Variants in PCDHGA9 observed in about 807,000 individuals in gnomAD.
PCDHGA9 encodes protocadherin gamma subfamily A, 9.
Under a neutral mutation model 62.5 loss-of-function variants are expected in PCDHGA9, and 37 were observed. The ratio of observed to expected loss-of-function variants is 0.59; its 90% CI spans 0.46 to 0.78. PCDHGA9 has a LOEUF of 0.78. Ranked by LOEUF, PCDHGA9 falls within the 30% of genes least tolerant of loss-of-function variation. PCDHGA9 has a pLI of 0.00. For synonymous variants in PCDHGA9, 459 were observed against 484.6 expected (o/e 0.95, Z 0.69); for missense variants, 1,138 against 1,166.2 (o/e 0.98, Z 0.35).
At chr5:141,500,167 A>C (rs976308963) in intron 2 of PCDHGA9, among the ~76,000 whole-genome samples, 1 of 150,656 alleles carries the variant, frequency 6.6e-6, no homozygotes, top group African/African-American at 2.4e-5. Context: ...AAGAACATGC[A>C]TGAGCTTCAT....
intron 1 of PCDHGA9, chr5:141,430,941 A>G: frequency 6.2e-7 from 1 of 1,608,258 alleles, no homozygotes; most frequent in Non-Finnish European, 8.5e-7. Context: ...GAGCTCGCGG[A>G]GCGCGGAGTC....
intron 1 of PCDHGA9, chr5:141,412,903 G>T: frequency 5.3e-6 from 2 of 376,030 alleles, no homozygotes; most frequent in East Asian, 4.2e-5. Flanking sequence ...ACTTTCCATT[G>T]CATGTATCAC....
intron 2 of PCDHGA9, 88 bp from the exon 3 acceptor site, chr5:141,505,305 C>G (rs1363643214): frequency 1.0e-5 from 16 of 1,595,104 alleles, no homozygotes; most frequent in African/African-American, 2.7e-5. Flanking sequence ...GGTTAGGGTA[C>G]TAGGTTTGGG....
intron 1 of PCDHGA9, chr5:141,417,227 T>G (rs2096097098): frequency 6.6e-6 from 1 of 152,172 alleles, no homozygotes; most frequent in South Asian, 2.1e-4. Flanking sequence ...ACAAAAAAAT[T>G]TGTTGCTTAT....
At chr5:141,446,039 A>G (rs1349676116) in intron 1 of PCDHGA9, among the ~76,000 whole-genome samples, 1 of 152,180 alleles carries the variant, frequency 6.6e-6, no homozygotes, top group African/African-American at 2.4e-5. Context: ...TAAGAAATGG[A>G]AGAAGAGCTG....
chr5:141,502,062 A>G (rs530211521), intron 2 of PCDHGA9, among the ~76,000 whole-genome samples: 2 of 152,146 alleles, frequency 1.3e-5, no homozygotes, highest in South Asian at 4.2e-4. Flanking sequence ...TATTCCCATT[A>G]GCCCCCTTCA....
chr5:141,410,779 T>C, intron 1 of PCDHGA9: 4 of 947,572 alleles, frequency 4.2e-6, no homozygotes, highest in Non-Finnish European at 6.0e-6. Flanking sequence ...TTTCACTATG[T>C]ATTTGGTTCA....
chr5:141,434,194 G>A (rs913533813), intron 1 of PCDHGA9, among the ~76,000 whole-genome samples: 7 of 152,190 alleles, frequency 4.6e-5, no homozygotes, highest in African/African-American at 4.8e-5. Flanking sequence ...TAATTCCAAT[G>A]TACTTACTTC....
chr5:141,485,033 T>C lies in PCDHGA9; in HGVS notation c.2425-9774T>C. 1 of 689,352 alleles carries C rather than the reference T, an allele frequency of 1.5e-6. No homozygotes were observed. The highest frequency in any genetic ancestry group is 2.5e-6 in the Non-Finnish European group (1 of 392,590). The allele number at this position is 689,352 out of a possible 1,614,324, so 42.7% of individuals were successfully genotyped here. On this transcript the variant is annotated intron_variant, in intron 1 of 3. Coordinates refer to ENST00000573521, the MANE Select transcript of PCDHGA9 (RefSeq NM_018921.3). This position sits in a 1 kb window ranked among gnomAD's most constrained non-coding sequence, Gnocchi z 5.7. ...CCCCGCCACCAGCAAAAACGGCGCG[T>C]AACCCTTGCGGCGCCGGCCGAACCG...
intron 1 of PCDHGA9, chr5:141,427,212 C>T (rs2097000434): frequency 4.4e-6 from 2 of 456,702 alleles, no homozygotes; most frequent in Non-Finnish European, 8.8e-6. Flanking sequence ...CTTCGAATTT[C>T]GTAGCAGTTA....
At chr5:141,406,070 T>A (rs1451280596) in intron 1 of PCDHGA9, among the ~76,000 whole-genome samples, 1 of 136,270 alleles carries the variant, frequency 7.3e-6, no homozygotes, top group Admixed American at 7.2e-5. Flanking sequence ...AAATTCTTAC[T>A]CCTTTTTTTT....
chr5:141,407,200 G>A (rs1054595818), intron 1 of PCDHGA9, among the ~76,000 whole-genome samples: 2 of 152,228 alleles, frequency 1.3e-5, no homozygotes, highest in East Asian at 1.9e-4. Context: ...TTTCAAACAC[G>A]TTTTCCCCCT....
chr5:141,431,678 T>G lies in PCDHGA9; in HGVS notation c.2424+26302T>G. The G allele has an allele frequency of 6.2e-7, 1 of 1,614,084 alleles. No homozygotes were observed. Among genetic ancestry groups the G allele is most frequent in the Non-Finnish European group, 8.5e-7 (1 of 1,180,022 alleles). On this transcript the variant is annotated intron_variant, in intron 1 of 3. Transcript: ENST00000573521. This position sits in a 1 kb window ranked among gnomAD's most constrained non-coding sequence, Gnocchi z 4.8. ...AGGGACAATATCAACAATAGGGGAGTTGGACCACGAGGAGTCAGGATTCTA... is the reference window on the plus strand; with the variant it reads ...AGGGACAATATCAACAATAGGGGAGGTGGACCACGAGGAGTCAGGATTCTA...
chr5:141,410,023 C>G, intron 1 of PCDHGA9: 1 of 1,613,310 alleles, frequency 6.2e-7, no homozygotes, highest in Non-Finnish European at 8.5e-7. Context: ...TGTCCTACCA[C>G]GTGCTGCAGG....
rs561329093 is a variant in PCDHGA9 at position 141,509,163 on chromosome 5, C to A, written c.2573-1784C>A. Among the ~76,000 whole-genome samples the A allele has an allele frequency of 1.4e-4, 21 of 152,322 alleles. No individual in the cohort carries two copies. In the South Asian group the frequency reaches 4.1e-3, roughly 30 times the overall value. On this transcript the variant is annotated intron_variant, in intron 3 of 3. Coordinates refer to ENST00000573521, the MANE Select transcript of PCDHGA9 (RefSeq NM_018921.3). ...CATCCCGGCTCTCCCCTCCCGTGTG[C>A]CCTCCTCCTCTTATGCCGGCTTGAA...
intron 1 of PCDHGA9, among the ~76,000 whole-genome samples, chr5:141,465,966 C>T (rs904439039): frequency 5.3e-5 from 8 of 151,802 alleles, no homozygotes; most frequent in Non-Finnish European, 1.0e-4. Context: ...ACTAAAAATA[C>T]AAAAAATTAG....
chr5:141,415,947 C>T (rs1161530180), intron 1 of PCDHGA9: 1 of 532,382 alleles, frequency 1.9e-6, no homozygotes, highest in Admixed American at 4.2e-5. Flanking sequence ...CCTGGGTGGT[C>T]ACATATTGAA....
intron 1 of PCDHGA9, chr5:141,419,465 G>A (rs568864628): frequency 1.9e-6 from 3 of 1,612,544 alleles, no homozygotes; most frequent in South Asian, 1.1e-5. Context: ...GCAGGCCCGC[G>A]ACCAGGGCTC....
At chr5:141,488,855 C>T (rs1441666819) in intron 1 of PCDHGA9, among the ~76,000 whole-genome samples, 2 of 152,190 alleles carry the variant, frequency 1.3e-5, no homozygotes, top group Non-Finnish European at 1.5e-5. Context: ...ACCTGCAGCA[C>T]GAAGTGAGTG....
Sources: allele counts gnomAD v4.1 joint callset (sites outside exome capture counted in the v4.1 genomes callset), GRCh38; gene constraint gnomAD v4.1.1; non-coding constraint Gnocchi (gnomAD v3.1); transcripts MANE v1.5; gene names NCBI Gene and HGNC (gene_info 2026-07-23, HGNC 2026-07-21).